Variants in MECOM observed in about 807,000 individuals in gnomAD.
The protein encoded by MECOM is MDS1 and EVI1 complex locus, also known as histone-lysine N-methyltransferase MECOM.
Under a neutral mutation model 116.3 loss-of-function variants are expected in MECOM, and 13 were observed. That is an observed-to-expected ratio of 0.11 (90% confidence interval 0.07 to 0.18). The LOEUF (loss-of-function observed/expected upper bound fraction) is 0.18. Ranked by LOEUF, MECOM falls within the 10% of genes least tolerant of loss-of-function variation. MECOM has a pLI of 1.00. For synonymous variants in MECOM, 528 were observed against 535.2 expected, an observed-to-expected ratio of 0.99 and a Z score of 0.19; for missense variants, 1,299 against 1,509.0, an observed-to-expected ratio of 0.86 and a Z score of 2.31.
intron 1 of MECOM, among the ~76,000 whole-genome samples, chr3:169,459,132 A>G (rs1747010655): frequency 1.3e-5 from 2 of 152,224 alleles, no homozygotes; most frequent in African/African-American, 4.8e-5. Flanking sequence ...TTTCATGCTT[A>G]CTGATGTAAT....
At chr3:169,157,459 A>G (rs1742162651) in intron 2 of MECOM, among the ~76,000 whole-genome samples, 1 of 152,214 alleles carries the variant, frequency 6.6e-6, no homozygotes, top group Admixed American at 6.5e-5. Flanking sequence ...GAGCCAGAAA[A>G]GTATGTTTAG....
At chr3:169,588,626 C>G (rs528095714) in intron 1 of MECOM, among the ~76,000 whole-genome samples, 8 of 152,060 alleles carry the variant, frequency 5.3e-5, no homozygotes, top group African/African-American at 1.7e-4. Context: ...TTTTTTTAAG[C>G]CTTCTGAAGA....
chr3:169,268,693 T>C (rs1408437999), intron 2 of MECOM, among the ~76,000 whole-genome samples: 3 of 152,188 alleles, frequency 2.0e-5, no homozygotes, highest in Non-Finnish European at 4.4e-5. Context: ...ATAATCAAAG[T>C]CTGGAGAAAG....
At chr3:169,300,903 G>A (rs887241680) in intron 2 of MECOM, among the ~76,000 whole-genome samples, 1 of 152,282 alleles carries the variant, frequency 6.6e-6, no homozygotes, top group Admixed American at 6.5e-5. Flanking sequence ...ACCTTGTTGG[G>A]TTATATTATG....
At chr3:169,607,440 G>A (rs532954026) in intron 1 of MECOM, among the ~76,000 whole-genome samples, 3 of 152,298 alleles carry the variant, frequency 2.0e-5, no homozygotes, top group South Asian at 4.1e-4. Flanking sequence ...AAAGTTGAGG[G>A]GAGAGGGAAA....
chr3:169,383,855 C>A (rs1386460656), intron 1 of MECOM, among the ~76,000 whole-genome samples: 2 of 152,208 alleles, frequency 1.3e-5, no homozygotes, highest in African/African-American at 4.8e-5. Context: ...CTACTCTCCT[C>A]TGAGCTCAGT....
intron 1 of MECOM, among the ~76,000 whole-genome samples, chr3:169,413,482 T>TG (rs1737938230): frequency 2.4e-5 from 1 of 42,174 alleles, no homozygotes; most frequent in Non-Finnish European, 5.6e-5. Context: ...TTTTTTGTTT[T>TG]TTTTTTTATT....
chr3:169,116,114 A>G lies in MECOM; in HGVS notation c.1758T>C (p.Ser586=). The G allele has an allele frequency of 6.2e-7, 1 of 1,614,172 alleles. No individual in the cohort carries two copies. The highest frequency in any genetic ancestry group is 8.5e-7 in the Non-Finnish European group (1 of 1,180,044). Residue 586 remains serine, a synonymous_variant, in exon 8 of 17, where the codon AGT becomes AGC. Transcript: ENST00000651503. ...QSESSDLDDV[S]TPSGSDLETT... is the part of the protein sequence containing the mutation. ...TTTCCAGGTCACTGCCACTTGGTGTACTGACATCATCAAGGTCACTACTCT... is the reference window on the plus strand; with the variant it reads ...TTTCCAGGTCACTGCCACTTGGTGTGCTGACATCATCAAGGTCACTACTCT...
intron 2 of MECOM, chr3:169,149,516 C>G (rs973177727): frequency 3.8e-6 from 1 of 264,132 alleles, no homozygotes; most frequent in Non-Finnish European, 7.9e-6. Context: ...AAATAAAGCG[C>G]AGCGCCGGCG....
At chr3:169,226,903 T>C (rs1282191132) in intron 2 of MECOM, among the ~76,000 whole-genome samples, 3 of 152,174 alleles carry the variant, frequency 2.0e-5, no homozygotes, top group Non-Finnish European at 4.4e-5. Flanking sequence ...CAGGAGAATC[T>C]CTGAAATCAT....
chr3:169,486,005 AC>A (rs1560341363), intron 1 of MECOM, among the ~76,000 whole-genome samples: 6 of 83,364 alleles, frequency 7.2e-5, no homozygotes, highest in African/African-American at 2.1e-4. Context: ...GTATATATAT[AC>A]TATATATATA....
chr3:169,558,234 T>A (rs1197905675), intron 1 of MECOM, among the ~76,000 whole-genome samples: 1 of 152,202 alleles, frequency 6.6e-6, no homozygotes, highest in Non-Finnish European at 1.5e-5. Context: ...ATTCAGCAGA[T>A]TTTTCTTTTG....
intron 1 of MECOM, among the ~76,000 whole-genome samples, chr3:169,548,766 T>C (rs1761025015): frequency 6.6e-6 from 1 of 152,152 alleles, no homozygotes; most frequent in Admixed American, 6.5e-5. Context: ...GAGAGACAAG[T>C]GTGATTAATT....
chr3:169,149,105 C>A (rs1304208757), intron 2 of MECOM, among the ~76,000 whole-genome samples: 4 of 144,154 alleles, frequency 2.8e-5, no homozygotes, highest in African/African-American at 1.1e-4. Context: ...TTTAATTTAG[C>A]CATAAATTGG....
intron 2 of MECOM, among the ~76,000 whole-genome samples, chr3:169,181,316 C>G (rs1745944135): frequency 6.6e-6 from 1 of 152,120 alleles, no homozygotes; most frequent in Non-Finnish European, 1.5e-5. Flanking sequence ...TAATTAAAAT[C>G]AAAATTAATA....
At chr3:169,187,246 G>C (rs1057407590) in intron 2 of MECOM, among the ~76,000 whole-genome samples, 3 of 152,196 alleles carry the variant, frequency 2.0e-5, no homozygotes, top group East Asian at 1.9e-4. Flanking sequence ...TCCTGGCTAT[G>C]ATCAACCTCT....
rs76869922 is a variant in MECOM, at chr3:169,456,990, G to C, written c.38-75466C>G. Among the ~76,000 whole-genome samples the C allele has an allele frequency of 5.5e-3, 840 of 152,256 alleles. 23 individuals are homozygous for C. The East Asian group carries it at 0.056, about 10-fold the overall frequency. ...CAGGTCAGTGGCAGGATGTATAAGA[G>C]GAAAGTACATCCAGGGAGCTGGGCT... On this transcript the variant is annotated intron_variant, in intron 1 of 16. Coordinates refer to ENST00000651503, the MANE Select transcript of MECOM (RefSeq NM_004991.4).
chr3:169,418,023 T>G (rs1299532816), intron 1 of MECOM, among the ~76,000 whole-genome samples: 1 of 150,806 alleles, frequency 6.6e-6, no homozygotes, highest in Non-Finnish European at 1.5e-5. Flanking sequence ...CGAGTTAATG[T>G]GTGCAGCACA....
rs374724661 is a variant in MECOM, at chr3:169,362,217, C to G, written c.375+18970G>C. 3.3e-5 allele frequency among the ~76,000 whole-genome samples: 5 copies of G among 151,792 alleles called. No individual in the cohort carries two copies. In the South Asian group the frequency reaches 1.0e-3, roughly 32 times the overall value. On this transcript the variant is annotated intron_variant, in intron 2 of 16. Coordinates refer to ENST00000651503, the MANE Select transcript of MECOM (RefSeq NM_004991.4). ...GGTTTTGTTTATTGTTGTTGGTGGG[C>G]TTTTCTCAACAACAACAATAAATTA...
Sources: gnomAD v4.1 joint callset for allele counts (sites outside exome capture counted in the v4.1 genomes callset) on GRCh38, gnomAD v4.1.1 for gene constraint, MANE v1.5 for transcripts, NCBI Gene and HGNC (gene_info 2026-07-23, HGNC 2026-07-21) for gene names.